Variants in HYCC1 observed in about 807,000 individuals in gnomAD.
HYCC1 encodes the protein hyccin.
chr7:22,963,552 T>C, the HYCC1 span, among the ~76,000 whole-genome samples: 22 of 152,148 alleles, frequency 1.4e-4, no homozygotes, highest in African/African-American at 5.3e-4. Flanking sequence ...GATCAGAGCA[T>C]CCAAGAACTG....
chr7:22,902,392 T>G, the HYCC1 span, among the ~76,000 whole-genome samples: 1 of 150,536 alleles, frequency 6.6e-6, no homozygotes, highest in Non-Finnish European at 1.5e-5. Context: ...TATCAGAAAG[T>G]AAATAAAATT....
At chr7:22,954,174 C>A in the HYCC1 span, among the ~76,000 whole-genome samples, 3 of 150,980 alleles carry the variant, frequency 2.0e-5, no homozygotes, top group Non-Finnish European at 3.0e-5. Context: ...GATTTATTAC[C>A]ATTTACCTTT....
chr7:22,985,715 T>C, the HYCC1 span: 13 of 151,798 alleles, frequency 8.6e-5, no homozygotes, highest in Non-Finnish European at 1.9e-4. Flanking sequence ...TTTCCGTCAT[T>C]TGATCAAGAG....
chr7:22,973,787 G>A, the HYCC1 span, among the ~76,000 whole-genome samples: 1 of 151,974 alleles, frequency 6.6e-6, no homozygotes, highest in Non-Finnish European at 1.5e-5. Flanking sequence ...GGTAAAATTG[G>A]TATATTAGCA....
chr7:22,931,187 G>T, the HYCC1 span, among the ~76,000 whole-genome samples: 1 of 141,062 alleles, frequency 7.1e-6, no homozygotes, highest in Non-Finnish European at 1.5e-5. Flanking sequence ...ACACAGGAAA[G>T]AAGGCCATCT....
the HYCC1 span, chr7:22,984,144 G>GAT: frequency 1.4e-6 from 1 of 717,688 alleles, no homozygotes. Context: ...CAGGACTGCA[G>GAT]ATGGGAGAAG....
chr7:22,956,095 T>C, the HYCC1 span, among the ~76,000 whole-genome samples: 1 of 151,708 alleles, frequency 6.6e-6, no homozygotes, highest in Non-Finnish European at 1.5e-5. Context: ...CTAAACTTAT[T>C]GAATGCTTTT....
the HYCC1 span, chr7:22,960,141 A>C: frequency 8.8e-7 from 1 of 1,132,604 alleles, no homozygotes; most frequent in Non-Finnish European, 1.3e-6. Context: ...GCAACTCCAC[A>C]GCTCTTTCTT....
chr7:22,917,086 G>A, the HYCC1 span, among the ~76,000 whole-genome samples: 1 of 152,066 alleles, frequency 6.6e-6, no homozygotes, highest in African/African-American at 2.4e-5. Flanking sequence ...ATCGCTCAGG[G>A]TAATGCTTAT....
the HYCC1 span, chr7:22,938,473 C>T: frequency 1.3e-5 from 2 of 152,324 alleles, no homozygotes; most frequent in Admixed American, 6.5e-5. Flanking sequence ...TCTCTTACCA[C>T]AGTAAGTCCT....
At chr7:22,965,594 T>C in the HYCC1 span, among the ~76,000 whole-genome samples, 4 of 114,706 alleles carry the variant, frequency 3.5e-5, no homozygotes, top group African/African-American at 1.3e-4. Context: ...ACATGGAAAC[T>C]AAAAAAAAAA....
the HYCC1 span, among the ~76,000 whole-genome samples, chr7:22,996,487 G>A: frequency 2.7e-5 from 4 of 149,876 alleles, no homozygotes; most frequent in Non-Finnish European, 5.9e-5. Context: ...GGTGAGGTTT[G>A]GAGTACTATT....
At chr7:22,949,136 T>C in the HYCC1 span, among the ~76,000 whole-genome samples, 2 of 152,110 alleles carry the variant, frequency 1.3e-5, no homozygotes, top group African/African-American at 4.8e-5. Context: ...TTTTAAAAGC[T>C]AAGCATAGGC....
chr7:22,901,107 G>A, the HYCC1 span, among the ~76,000 whole-genome samples: 1 of 150,460 alleles, frequency 6.6e-6, no homozygotes, highest in Non-Finnish European at 1.5e-5. Flanking sequence ...TGTAGTCCCA[G>A]CTATTTGGAA....
chr7:23,007,488 T>C, the HYCC1 span, among the ~76,000 whole-genome samples: 1 of 152,112 alleles, frequency 6.6e-6, no homozygotes. Flanking sequence ...CATATTAAGA[T>C]CTTTATAATT....
At chr7:22,932,396 T>C in the HYCC1 span, among the ~76,000 whole-genome samples, 2 of 152,160 alleles carry the variant, frequency 1.3e-5, no homozygotes, top group Non-Finnish European at 2.9e-5. Context: ...CAGAGAATTA[T>C]TCTTACATCT....
chr7:22,981,582 A>C, the HYCC1 span, among the ~76,000 whole-genome samples: 4,278 of 152,300 alleles, frequency 0.028, 85 homozygotes, highest in Non-Finnish European at 0.048. Flanking sequence ...AACCAGAATA[A>C]AAGCACGAAA....
At chr7:22,984,086 G>T in the HYCC1 span, 1 of 1,197,988 alleles carries the variant, frequency 8.3e-7, no homozygotes, top group Non-Finnish European at 1.2e-6. Flanking sequence ...TTTATGAAAT[G>T]TCCAGAATAG....
the HYCC1 span, among the ~76,000 whole-genome samples, chr7:22,959,210 G>T: frequency 6.6e-6 from 1 of 152,070 alleles, no homozygotes; most frequent in African/African-American, 2.4e-5. Context: ...CACCAAAAAT[G>T]ATCACTAGGT....
Sources: gnomAD v4.1 joint callset for allele counts (sites outside exome capture counted in the v4.1 genomes callset) on GRCh38, gnomAD v4.1.1 for gene constraint, MANE v1.5 for transcripts, NCBI Gene and HGNC (gene_info 2026-07-23, HGNC 2026-07-21) for gene names.